The following NFILZ variants were observed in gnomAD, a reference collection of about 807,000 sequenced individuals.
NFILZ encodes the protein NFIL3 like protein.
At chr19:8,649,982 G>C (rs117185155) in intron 3 of NFILZ, among the ~76,000 whole-genome samples, 1 of 151,950 alleles carries the variant, frequency 6.6e-6, no homozygotes, top group Non-Finnish European at 1.5e-5. Flanking sequence ...GGTCTTGGTC[G>C]TGGGCGCCTG....
chr19:8,637,433 T>C (rs1555746208), intron 3 of NFILZ, among the ~76,000 whole-genome samples: 1 of 151,832 alleles, frequency 6.6e-6, no homozygotes, highest in Non-Finnish European at 1.5e-5. Flanking sequence ...ACCAACATGG[T>C]GAAGCCCCTT....
chr19:8,668,255 C>T (rs1277582408), intron 3 of NFILZ, among the ~76,000 whole-genome samples: 3 of 152,138 alleles, frequency 2.0e-5, no homozygotes, highest in Non-Finnish European at 4.4e-5. Flanking sequence ...CCGGCATATA[C>T]ATATATAATT....
intron 3 of NFILZ, among the ~76,000 whole-genome samples, chr19:8,652,922 T>C (rs987735737): frequency 3.7e-5 from 5 of 136,240 alleles, no homozygotes; most frequent in Admixed American, 7.5e-5. Flanking sequence ...TCTCTCTCTC[T>C]TCTCTCTCTC....
intron 4 of NFILZ, among the ~76,000 whole-genome samples, chr19:8,675,932 A>G (rs1345663764): frequency 6.6e-6 from 1 of 152,204 alleles, no homozygotes; most frequent in Admixed American, 6.5e-5. Context: ...AAATGAATAT[A>G]TGGATGAAAA....
chr19:8,640,299 C>A (rs1357562264), intron 3 of NFILZ, among the ~76,000 whole-genome samples: 2 of 146,766 alleles, frequency 1.4e-5, no homozygotes, highest in East Asian at 4.1e-4. Flanking sequence ...TAGCAAGAAC[C>A]TATTGTTCCT....
chr19:8,651,777 C>T (rs1555747741), intron 3 of NFILZ, among the ~76,000 whole-genome samples: 1 of 152,104 alleles, frequency 6.6e-6, no homozygotes, highest in African/African-American at 2.4e-5. Context: ...AAGTGATCCT[C>T]CCTCTGCGGC....
chr19:8,670,574 G>A (rs932133477), intron 3 of NFILZ, among the ~76,000 whole-genome samples: 4 of 152,234 alleles, frequency 2.6e-5, no homozygotes, highest in Non-Finnish European at 5.9e-5. Flanking sequence ...AATACAGTCT[G>A]ATTGGATCCT....
chr19:8,634,218 G>C (rs1302930402), intron 2 of NFILZ, among the ~76,000 whole-genome samples: 2 of 151,974 alleles, frequency 1.3e-5, no homozygotes, highest in African/African-American at 4.8e-5. Flanking sequence ...GGCTGGTCTT[G>C]AACCCCTGGC....
intron 3 of NFILZ, among the ~76,000 whole-genome samples, chr19:8,658,239 C>G (rs370089206): frequency 1.3e-5 from 2 of 152,164 alleles, no homozygotes; most frequent in African/African-American, 2.4e-5. Context: ...CTCCTGGGCC[C>G]AAGCCTCTTT....
chr19:8,657,515 G>T (rs1340397437), intron 3 of NFILZ, among the ~76,000 whole-genome samples: 1 of 152,090 alleles, frequency 6.6e-6, no homozygotes, highest in Non-Finnish European at 1.5e-5. Context: ...CAGTTGCTAA[G>T]GGGTTGGGAG....
At chr19:8,657,488 G>A (rs1197557530) in intron 3 of NFILZ, among the ~76,000 whole-genome samples, 3 of 152,090 alleles carry the variant, frequency 2.0e-5, no homozygotes, top group Non-Finnish European at 2.9e-5. Context: ...TTGCGGGGAC[G>A]TGACTGCTGT....
chr19:8,634,611 C>G (rs1012514628), intron 2 of NFILZ, among the ~76,000 whole-genome samples: 5 of 152,144 alleles, frequency 3.3e-5, no homozygotes, highest in Non-Finnish European at 5.9e-5. Context: ...TGTGGTGGCA[C>G]AGGCCTATAG....
At chr19:8,660,977 C>T (rs552361846) in intron 3 of NFILZ, among the ~76,000 whole-genome samples, 21 of 145,300 alleles carry the variant, frequency 1.4e-4, no homozygotes, top group African/African-American at 5.1e-4. Context: ...TTCTTGCTTT[C>T]TTTCCCTCCC....
At chr19:8,646,876 C>A (rs2042941130) in intron 3 of NFILZ, among the ~76,000 whole-genome samples, 1 of 152,196 alleles carries the variant, frequency 6.6e-6, no homozygotes, top group Non-Finnish European at 1.5e-5. Context: ...TTCCTCCTGA[C>A]CCGGATCTAG....
At chr19:8,663,730 G>GTGTGTGTGTGTGTGTGTATGTGTGTGTA (rs2043045171) in intron 3 of NFILZ, among the ~76,000 whole-genome samples, 4 of 77,316 alleles carry the variant, frequency 5.2e-5, no homozygotes, top group African/African-American at 1.5e-4. Flanking sequence ...GTTTGTGTGT[G>GTGTGTGTGTGTGTGTGTATGTGTGTGTA]TGTGTGTGTG....
At chr19:8,663,736 G>GTATGTGTGTGTGTGTGTGTGTGTGTA (rs782229587) in intron 3 of NFILZ, among the ~76,000 whole-genome samples, 2 of 136,036 alleles carry the variant, frequency 1.5e-5, no homozygotes, top group African/African-American at 5.4e-5. Context: ...GTGTGTGTGT[G>GTATGTGTGTGTGTGTGTGTGTGTGTA]TGTGTGTGTG....
chr19:8,631,850 G>GTA (rs2042871618), intron 1 of NFILZ, among the ~76,000 whole-genome samples: 3 of 151,848 alleles, frequency 2.0e-5, no homozygotes. Context: ...GTGTGTGTGT[G>GTA]TGTGTGTGTG....
At chr19:8,631,765 G>A (rs1159772396) in intron 1 of NFILZ, among the ~76,000 whole-genome samples, 4 of 151,690 alleles carry the variant, frequency 2.6e-5, no homozygotes, top group South Asian at 2.1e-4. Context: ...GTCTACACCC[G>A]CTGACCTCTT....
intron 3 of NFILZ, among the ~76,000 whole-genome samples, chr19:8,651,566 C>T (rs1370493026): frequency 6.6e-6 from 1 of 152,160 alleles, no homozygotes; most frequent in Non-Finnish European, 1.5e-5. Flanking sequence ...GGGTCTCGCT[C>T]TGTTGCTCAG....
Sources: allele counts gnomAD v4.1 joint callset (sites outside exome capture counted in the v4.1 genomes callset), GRCh38; gene constraint gnomAD v4.1.1; transcripts MANE v1.5; gene names NCBI Gene and HGNC (gene_info 2026-07-23, HGNC 2026-07-21).